The following ELMOD1 variants were observed in gnomAD, a reference collection of about 807,000 sequenced individuals.
ELMOD1 encodes the protein ELMO domain containing 1, also known as ELMO domain-containing protein 1.
In ELMOD1, 21 loss-of-function variants were observed where a neutral mutation model predicts 46.7. The ratio of observed to expected loss-of-function variants is 0.45; its 90% CI spans 0.32 to 0.65. The LOEUF is 0.65. Ranked by LOEUF, ELMOD1 falls within the 30% of genes least tolerant of loss-of-function variation. ELMOD1 has a pLI of 0.04. For missense variants in ELMOD1, 348 were observed against 407.8 expected (o/e 0.85, Z 1.26); for synonymous variants, 122 against 138.2 (o/e 0.88, Z 0.82).
chr11:107,649,603 C>G (rs1416477277), intron 7 of ELMOD1, among the ~76,000 whole-genome samples: 1 of 152,168 alleles, frequency 6.6e-6, no homozygotes, highest in African/African-American at 2.4e-5. Flanking sequence ...GTCTCACTAA[C>G]AACTGTGAAT....
intron 2 of ELMOD1, among the ~76,000 whole-genome samples, chr11:107,626,511 T>A (rs1272293856): frequency 1.3e-5 from 2 of 151,228 alleles, no homozygotes; most frequent in Admixed American, 1.3e-4. Flanking sequence ...TCTTCCTTCC[T>A]CTCTCCCTCT....
At chr11:107,645,089 A>ATTTTTT (rs11390120) in intron 6 of ELMOD1, among the ~76,000 whole-genome samples, 12 of 103,198 alleles carry the variant, frequency 1.2e-4, no homozygotes, top group East Asian at 3.0e-4. Context: ...TGCCTGGCTA[A>ATTTTTT]TTTTTTTTTT....
At chr11:107,653,078 G>A (rs117297336) in intron 9 of ELMOD1, among the ~76,000 whole-genome samples, 4,069 of 152,126 alleles carry the variant, frequency 0.027, 70 homozygotes, top group South Asian at 0.076. Context: ...TAAATGAATG[G>A]TGCCTCCTTA....
intron 6 of ELMOD1, among the ~76,000 whole-genome samples, chr11:107,638,208 A>G (rs565701649): frequency 6.6e-6 from 1 of 152,292 alleles, no homozygotes; most frequent in Non-Finnish European, 1.5e-5. Context: ...TGAAATCTTC[A>G]CTAGCTCCCC....
chr11:107,633,583 C>A (rs866397401), intron 5 of ELMOD1, among the ~76,000 whole-genome samples: 5 of 152,078 alleles, frequency 3.3e-5, no homozygotes, highest in South Asian at 2.1e-4. Context: ...CAGGCACGTG[C>A]CACCACATCT....
intron 1 of ELMOD1, among the ~76,000 whole-genome samples, chr11:107,597,198 C>T (rs1865506053): frequency 6.6e-6 from 1 of 152,108 alleles, no homozygotes; most frequent in African/African-American, 2.4e-5. Flanking sequence ...ATTTGGATGA[C>T]AATCAGGATT....
chr11:107,622,955 A>G (rs1865975716), intron 2 of ELMOD1, among the ~76,000 whole-genome samples: 1 of 152,180 alleles, frequency 6.6e-6, no homozygotes, highest in Non-Finnish European at 1.5e-5. Context: ...AACACACACA[A>G]ATATGCACAT....
chr11:107,646,100 C>G (rs1866422211), intron 6 of ELMOD1, among the ~76,000 whole-genome samples: 1 of 152,114 alleles, frequency 6.6e-6, no homozygotes, highest in Admixed American at 6.5e-5. Context: ...AAATAGTAAA[C>G]TTGTTTACAT....
At chr11:107,644,039 G>A (rs1407744205) in intron 6 of ELMOD1, among the ~76,000 whole-genome samples, 3 of 152,158 alleles carry the variant, frequency 2.0e-5, no homozygotes, top group African/African-American at 4.8e-5. Context: ...TTGGGAGGCC[G>A]AGGCAGGTGG....
intron 1 of ELMOD1, among the ~76,000 whole-genome samples, chr11:107,610,998 C>CAAAAAAAAAAAAAAAAAAAA (rs58417281): frequency 1.9e-4 from 18 of 95,742 alleles, no homozygotes; most frequent in East Asian, 3.0e-4. Flanking sequence ...TGTAAGAATC[C>CAAAAAAAAAAAAAAAAAAAA]AAAAAAAAAA....
chr11:107,624,042 AT>A (rs994960192), intron 2 of ELMOD1, among the ~76,000 whole-genome samples: 2 of 151,918 alleles, frequency 1.3e-5, no homozygotes, highest in African/African-American at 2.4e-5. Context: ...GGTTGTTTAA[AT>A]TTTTTTTGAA....
At chr11:107,599,752 G>A (rs111966626) in intron 1 of ELMOD1, among the ~76,000 whole-genome samples, 2,722 of 53,156 alleles carry the variant, frequency 0.051, 49 homozygotes, top group African/African-American at 0.15. Flanking sequence ...AAAAAAAAAA[G>A]AAAAAAAGAA....
intron 1 of ELMOD1, among the ~76,000 whole-genome samples, chr11:107,605,493 G>A (rs1304851552): frequency 4.6e-5 from 7 of 152,152 alleles, no homozygotes; most frequent in Non-Finnish European, 1.0e-4. Context: ...AAGCCAGGGC[G>A]CCCAGCCTTG....
intron 2 of ELMOD1, among the ~76,000 whole-genome samples, chr11:107,619,145 T>C (rs895354883): frequency 2.6e-5 from 4 of 152,190 alleles, no homozygotes; most frequent in African/African-American, 9.6e-5. Context: ...TCCATTGTTG[T>C]TTCTGGAGCA....
intron 4 of ELMOD1, among the ~76,000 whole-genome samples, 191 bp from the exon 5 acceptor site, chr11:107,631,389 A>C (rs1866133766): frequency 1.3e-5 from 1 of 77,200 alleles, no homozygotes. Flanking sequence ...TATCAGGAAA[A>C]TTGCACTACC....
At position 107,666,391 on chromosome 11, in the gene ELMOD1, T is replaced by C. The variant is rs1229790452; in HGVS notation, c.*1194T>C. The C allele has an allele frequency of 6.6e-6, 1 of 152,266 alleles. No individual in the cohort carries two copies. The highest frequency in any genetic ancestry group is 1.9e-4 in the East Asian group (1 of 5,198). The allele number at this position is 152,266 out of a possible 1,614,324, so 9.4% of individuals were successfully genotyped here. On this transcript the variant is annotated 3_prime_UTR_variant, in exon 12 of 12. Transcript: ENST00000265840. ...ACTAAGTGCTGACTAGTTTGTTTTC[T>C]ATGTCAAGGGGCAATATTAAAAAAC...
At chr11:107,653,989 A>ATG in intron 9 of ELMOD1, 183 bp from the exon 10 acceptor site, 1 of 598,182 alleles carries the variant, frequency 1.7e-6, no homozygotes, top group South Asian at 2.2e-5. Context: ...GGTAAATAGC[A>ATG]TGGCCTTAAA....
chr11:107,625,571 T>A (rs1180732002), intron 2 of ELMOD1: 1 of 985,184 alleles, frequency 1.0e-6, no homozygotes, highest in Non-Finnish European at 1.2e-6. Context: ...AGGGGCTACA[T>A]GGTTTTAGGC....
At position 107,666,630 on chromosome 11, in the gene ELMOD1, C is replaced by G. The variant is rs537524355; in HGVS notation, c.*1433C>G. On this transcript the variant is annotated 3_prime_UTR_variant, in exon 12 of 12. Coordinates refer to ENST00000265840, the MANE Select transcript of ELMOD1 (RefSeq NM_018712.4). ...GTCTGTTGAATAGTATTTACCATGG[C>G]ATTTCATACCCATGGTATTTTATAC... 2.0e-5 allele frequency: 3 copies of G among 152,604 alleles called. No individual in the cohort carries two copies. Among genetic ancestry groups the G allele is most frequent in the Non-Finnish European group, 4.4e-5 (3 of 68,038 alleles). The allele number at this position is 152,604 out of a possible 1,614,324, so 9.5% of individuals were successfully genotyped here. A position where few individuals can be genotyped will look rare whatever the true frequency, so the allele number is the denominator to read the frequency against.
Sources: gnomAD v4.1 joint callset for allele counts (sites outside exome capture counted in the v4.1 genomes callset) on GRCh38, gnomAD v4.1.1 for gene constraint, MANE v1.5 for transcripts, NCBI Gene and HGNC (gene_info 2026-07-23, HGNC 2026-07-21) for gene names.